PRICKLE2: variants seen among roughly 807,000 people sequenced by gnomAD.
PRICKLE2 encodes the protein prickle-like protein 2.
In PRICKLE2, 21 loss-of-function variants were observed where a neutral mutation model predicts 81.4. The ratio of observed to expected loss-of-function variants is 0.26; its 90% CI spans 0.18 to 0.37. PRICKLE2 has a LOEUF of 0.37. Ranked by LOEUF, PRICKLE2 falls within the 10% of genes least tolerant of loss-of-function variation. The pLI, the probability that PRICKLE2 is intolerant of heterozygous loss-of-function variation, is 1.00. For missense variants in PRICKLE2, 940 were observed against 1,109.0 expected (o/e 0.85, Z 2.16); for synonymous variants, 456 against 421.5 (o/e 1.08, Z -1.00).
chr3:64,109,540 AG>A (rs2076810302), intron 7 of PRICKLE2, among the ~76,000 whole-genome samples: 1 of 151,788 alleles, frequency 6.6e-6, no homozygotes. Context: ...TTCCTCTGCC[AG>A]CTGCACTGGG....
intron 4 of PRICKLE2, among the ~76,000 whole-genome samples, chr3:64,159,144 AGAATCTT>A (rs1200830213): frequency 6.6e-6 from 1 of 152,160 alleles, no homozygotes; most frequent in African/African-American, 2.4e-5. Flanking sequence ...CAGGAAATCC[AGAATCTT>A]GAACGCAGTG....
intron 2 of PRICKLE2, among the ~76,000 whole-genome samples, chr3:64,171,064 A>G (rs1186916030): frequency 6.6e-6 from 1 of 152,010 alleles, no homozygotes; most frequent in African/African-American, 2.4e-5. Context: ...TTGTGCTCAC[A>G]ATGACCTCCT....
At chr3:64,247,877 A>C (rs1020932891) in intron 2 of PRICKLE2, among the ~76,000 whole-genome samples, 1 of 152,206 alleles carries the variant, frequency 6.6e-6, no homozygotes, top group Non-Finnish European at 1.5e-5. Flanking sequence ...GTAAAAAGTC[A>C]TTTTGAGATC....
At chr3:64,141,461 A>G (rs1347275774) in intron 7 of PRICKLE2, among the ~76,000 whole-genome samples, 2 of 152,210 alleles carry the variant, frequency 1.3e-5, no homozygotes, top group African/African-American at 4.8e-5. Context: ...CAATAATGTC[A>G]GTTGTTCTTG....
At position 64,157,436 on chromosome 3, in the gene PRICKLE2, G is replaced by A. The variant is rs560379823; in HGVS notation, c.397-71C>T. 8.1e-5 allele frequency: 119 copies of A among 1,473,892 alleles called. No homozygotes were observed. The African/African-American group carries it at 1.5e-3, about 19-fold the overall frequency. 91.3% of individuals were successfully genotyped at this position (1,473,892 alleles called of 1,614,324 possible). A position where few individuals can be genotyped will look rare whatever the true frequency, so the allele number is the denominator to read the frequency against. ...CCCAGTGCTGTGCATAAATGATAAA[G>A]GACAACCACCATTAGCTGGCTACTG... On this transcript the variant is annotated intron_variant, in intron 4 of 7. Transcript: ENST00000638394.
intron 7 of PRICKLE2, among the ~76,000 whole-genome samples, chr3:64,115,652 T>C (rs1204005979): frequency 6.6e-6 from 1 of 152,122 alleles, no homozygotes; most frequent in Non-Finnish European, 1.5e-5. Flanking sequence ...AATCTCACTA[T>C]CCTAAATATA....
At chr3:64,102,954 A>ATG (rs139993683) in intron 7 of PRICKLE2, 38 of 152,068 alleles carry the variant, frequency 2.5e-4, no homozygotes, top group Non-Finnish European at 4.1e-4. Context: ...TATAAATAAA[A>ATG]TGTGTGTGTG....
intron 7 of PRICKLE2, among the ~76,000 whole-genome samples, chr3:64,135,337 G>A (rs929168955): frequency 6.6e-6 from 1 of 152,114 alleles, no homozygotes; most frequent in Non-Finnish European, 1.5e-5. Context: ...AGAAGACAGG[G>A]TCTGAATAAT....
chr3:64,264,132 C>T (rs370176347), intron 2 of PRICKLE2, among the ~76,000 whole-genome samples: 1 of 152,046 alleles, frequency 6.6e-6, no homozygotes, highest in African/African-American at 2.4e-5. Context: ...AGAAGCATCC[C>T]AGGTAGATGC....
intron 2 of PRICKLE2, among the ~76,000 whole-genome samples, chr3:64,237,482 G>A (rs1302091423): frequency 1.3e-5 from 2 of 152,092 alleles, no homozygotes; most frequent in Admixed American, 1.3e-4. Context: ...CCATCCCTGT[G>A]AAATCAAGTT....
chr3:64,196,894 C>A (rs937521946), intron 2 of PRICKLE2, among the ~76,000 whole-genome samples: 1 of 152,186 alleles, frequency 6.6e-6, no homozygotes, highest in Non-Finnish European at 1.5e-5. Flanking sequence ...GATTCCAGAT[C>A]TTCAAAATTT....
chr3:64,257,219 C>T (rs3846224), intron 2 of PRICKLE2, among the ~76,000 whole-genome samples: 74,486 of 152,006 alleles, frequency 0.49, 19,452 homozygotes, highest in Non-Finnish European at 0.58. Context: ...ACCAGTGGTT[C>T]CCAACCTTTT....
At chr3:64,247,365 A>C (rs1161381427) in intron 2 of PRICKLE2, among the ~76,000 whole-genome samples, 1 of 152,076 alleles carries the variant, frequency 6.6e-6, no homozygotes, top group Non-Finnish European at 1.5e-5. Context: ...CTACCTTTCC[A>C]TGTATTTATA....
intron 2 of PRICKLE2, among the ~76,000 whole-genome samples, chr3:64,240,512 T>C (rs777922740): frequency 1.3e-5 from 2 of 152,166 alleles, no homozygotes; most frequent in African/African-American, 2.4e-5. Context: ...ATCCACAGAA[T>C]TCTTTGCTTA....
chr3:64,186,839 A>C (rs62251771), intron 2 of PRICKLE2, among the ~76,000 whole-genome samples: 18,103 of 152,206 alleles, frequency 0.12, 1,257 homozygotes, highest in East Asian at 0.22. Flanking sequence ...CTGCGTCATA[A>C]GGCAGAGGAG....
intron 2 of PRICKLE2, among the ~76,000 whole-genome samples, chr3:64,267,433 T>A (rs2079728073): frequency 6.6e-6 from 1 of 151,332 alleles, no homozygotes; most frequent in Admixed American, 6.6e-5. Flanking sequence ...TATAAAGGTA[T>A]GTGGGAAGAA....
chr3:64,144,685 G>C (rs1448061749), intron 7 of PRICKLE2, among the ~76,000 whole-genome samples: 2 of 152,238 alleles, frequency 1.3e-5, no homozygotes, highest in Non-Finnish European at 2.9e-5. Flanking sequence ...GCTATCAGTG[G>C]TGAAGGACCA....
chr3:64,099,832 T>C lies in PRICKLE2; in HGVS notation c.1754A>G (p.Glu585Gly), dbSNP rs764740330. The change falls in exon 8 of 8, where the codon GAG (glutamate) becomes GGG (glycine). Residue 585 changes from glutamate (E) to glycine (G), a missense_variant. Glu to Gly is a moderately conservative substitution (Grantham distance 98). This residue lies in a region of PRICKLE2 where 670 missense variants were observed against 717.2 expected (regional missense o/e 0.93). Transcript: ENST00000638394. The surrounding 1 kb of genome is among the most constrained non-coding windows in gnomAD (Gnocchi z 4.3). ...AAGAGTGCCCATGTTGCTCAGCTTC[T>C]CAGACACATTCATTCCAGAGTCTTT... ...LSKDSGMNVS[E>G]KLSNMGTLNS... is the part of the protein sequence containing the mutation. 2 of 1,614,184 alleles carry C rather than the reference T, an allele frequency of 1.2e-6. No individual in the cohort carries two copies. The highest frequency in any genetic ancestry group is 1.7e-6 in the Non-Finnish European group (2 of 1,180,034).
chr3:64,230,332 A>C (rs1323794352), upstream of PRICKLE2, among the ~76,000 whole-genome samples: 1 of 152,202 alleles, frequency 6.6e-6, no homozygotes, highest in East Asian at 1.9e-4. Context: ...TAAACAAAGG[A>C]ATGTTTAACA....
Sources: gnomAD v4.1 joint callset for allele counts (sites outside exome capture counted in the v4.1 genomes callset) on GRCh38, gnomAD v4.1.1 for gene constraint, gnomAD v4.1.1 regional missense constraint, Gnocchi (gnomAD v3.1) non-coding constraint, MANE v1.5 for transcripts, NCBI Gene and HGNC (gene_info 2026-07-23, HGNC 2026-07-21) for gene names.